TMEM132C: variants seen among roughly 807,000 people sequenced by gnomAD.
TMEM132C encodes transmembrane protein 132C.
Under a neutral mutation model 61.4 loss-of-function variants are expected in TMEM132C, and 29 were observed. The ratio of observed to expected loss-of-function variants is 0.47; its 90% confidence interval spans 0.35 to 0.64. The LOEUF (loss-of-function observed/expected upper bound fraction) is 0.64, where lower values mean the gene tolerates loss of function less well. Among genes scored for constraint, TMEM132C ranks in the 30% least tolerant of loss-of-function variants. The probability of loss-of-function intolerance (pLI) is 0.00; values close to 1 mark genes in which losing one functional copy is unlikely to be tolerated. For missense variants in TMEM132C, 1,408 were observed against 1,476.9 expected (o/e 0.95, Z 0.76); for synonymous variants, 656 against 633.1 (o/e 1.04, Z -0.54).
At chr12:128,535,865 CAAA>C (rs58712156) in intron 2 of TMEM132C, among the ~76,000 whole-genome samples, 67,990 of 142,836 alleles carry the variant, frequency 0.48, 17,890 homozygotes, top group Non-Finnish European at 0.61. Context: ...AAGACTCCAT[CAAA>C]AAAAAAAAAA....
intron 1 of TMEM132C, among the ~76,000 whole-genome samples, chr12:128,393,417 A>T (rs1518374): frequency 0.37 from 56,074 of 152,032 alleles, 11,253 homozygotes; most frequent in African/African-American, 0.53. Context: ...AAAGGAAATG[A>T]CAGACAACAG....
At chr12:128,547,826 G>A (rs919486436) in intron 3 of TMEM132C, among the ~76,000 whole-genome samples, 7 of 152,110 alleles carry the variant, frequency 4.6e-5, no homozygotes, top group Non-Finnish European at 8.8e-5. Context: ...AAGGTTTTAC[G>A]ACCCCCTGCC....
At chr12:128,440,153 C>T (rs920333153) in intron 2 of TMEM132C, among the ~76,000 whole-genome samples, 1 of 152,202 alleles carries the variant, frequency 6.6e-6, no homozygotes, top group African/African-American at 2.4e-5. Context: ...ATTCTCCTGT[C>T]TGGGGCTATC....
intron 3 of TMEM132C, among the ~76,000 whole-genome samples, chr12:128,612,832 C>G (rs1045140815): frequency 6.6e-6 from 1 of 152,232 alleles, no homozygotes; most frequent in African/African-American, 2.4e-5. Context: ...TTTCCCTTGT[C>G]CATGACTATG....
chr12:128,273,784 G>C (rs1359592740), intron 1 of TMEM132C, among the ~76,000 whole-genome samples: 4 of 151,992 alleles, frequency 2.6e-5, no homozygotes, highest in African/African-American at 9.7e-5. Context: ...ACGGTGCTTT[G>C]TATGCTATAT....
chr12:128,464,786 G>A (rs111447703), intron 2 of TMEM132C, among the ~76,000 whole-genome samples: 3 of 119,748 alleles, frequency 2.5e-5, no homozygotes, highest in African/African-American at 3.6e-5. Flanking sequence ...GAAAGAAAGA[G>A]AGAAAGAGAG....
intron 1 of TMEM132C, among the ~76,000 whole-genome samples, chr12:128,400,336 G>A (rs1177700873): frequency 6.6e-6 from 1 of 152,186 alleles, no homozygotes; most frequent in East Asian, 1.9e-4. Context: ...TGGGGAGACT[G>A]GCTCACTCAT....
chr12:128,534,214 T>G (rs1172358830), intron 2 of TMEM132C, among the ~76,000 whole-genome samples: 11 of 152,204 alleles, frequency 7.2e-5, no homozygotes, highest in Admixed American at 7.2e-4. Context: ...ATTTTTTGTT[T>G]CGTTTGGGTT....
intron 4 of TMEM132C, among the ~76,000 whole-genome samples, chr12:128,627,750 C>G (rs953007253): frequency 1.3e-5 from 2 of 152,212 alleles, no homozygotes; most frequent in East Asian, 1.9e-4. Flanking sequence ...ATGCCTCCCC[C>G]CGCCCTGCAG....
At chr12:128,511,200 C>T (rs904630842) in intron 2 of TMEM132C, among the ~76,000 whole-genome samples, 23 of 152,332 alleles carry the variant, frequency 1.5e-4, no homozygotes, top group Middle Eastern at 3.4e-3. Flanking sequence ...TGGAGTACAC[C>T]TCTGCACTGT....
intron 3 of TMEM132C, among the ~76,000 whole-genome samples, chr12:128,584,745 A>G (rs1875477015): frequency 6.6e-6 from 1 of 152,194 alleles, no homozygotes; most frequent in African/African-American, 2.4e-5. Flanking sequence ...CCATCTGTGC[A>G]GCTGGCGAAT....
intron 1 of TMEM132C, among the ~76,000 whole-genome samples, chr12:128,327,332 G>T (rs975688059): frequency 3.3e-5 from 5 of 149,856 alleles, no homozygotes; most frequent in Non-Finnish European, 7.3e-5. Flanking sequence ...TCCTGAGAAC[G>T]TGTGCCCCAG....
At chr12:128,683,364 G>A (rs1056480985) in intron 5 of TMEM132C, among the ~76,000 whole-genome samples, 22 of 152,018 alleles carry the variant, frequency 1.4e-4, no homozygotes, top group African/African-American at 3.4e-4. Context: ...GCTCTCTCCC[G>A]GCATGACACC....
intron 3 of TMEM132C, among the ~76,000 whole-genome samples, chr12:128,614,215 C>A (rs1366443270): frequency 6.6e-6 from 1 of 152,212 alleles, no homozygotes. Context: ...CCTTCTCTAG[C>A]CAATACTGGC....
At chr12:128,555,712 CT>C (rs1366121376) in intron 3 of TMEM132C, among the ~76,000 whole-genome samples, 8,200 of 140,410 alleles carry the variant, frequency 0.058, 572 homozygotes, top group African/African-American at 0.18. Context: ...TGTTGCCTAA[CT>C]TTTTTTTTTT....
chr12:128,295,041 C>A (rs868365231), intron 1 of TMEM132C, among the ~76,000 whole-genome samples: 11 of 148,718 alleles, frequency 7.4e-5, no homozygotes, highest in Admixed American at 6.7e-5. Flanking sequence ...TGTCCCCCAG[C>A]AAAAAAAAAA....
chr12:128,547,827 AC>A (rs1874013478), intron 3 of TMEM132C, among the ~76,000 whole-genome samples: 1 of 151,950 alleles, frequency 6.6e-6, no homozygotes, highest in East Asian at 1.9e-4. Flanking sequence ...AGGTTTTACG[AC>A]CCCCTGCCAA....
chr12:128,566,207 A>T (rs1183976659), intron 3 of TMEM132C, among the ~76,000 whole-genome samples: 1 of 151,440 alleles, frequency 6.6e-6, no homozygotes. Context: ...AAAAAAAAAA[A>T]GTTTTAATCA....
intron 1 of TMEM132C, among the ~76,000 whole-genome samples, chr12:128,287,673 A>G: frequency 6.6e-6 from 1 of 152,208 alleles, no homozygotes; most frequent in East Asian, 1.9e-4. Context: ...TTGCTATGGT[A>G]CTATTATGTA....
Sources: allele counts gnomAD v4.1 joint callset (sites outside exome capture counted in the v4.1 genomes callset), GRCh38; gene constraint gnomAD v4.1.1; transcripts MANE v1.5; gene names NCBI Gene and HGNC (gene_info 2026-07-23, HGNC 2026-07-21).